Variants in OPCML observed in about 807,000 individuals in gnomAD.
OPCML encodes the protein opioid-binding protein/cell adhesion molecule.
In OPCML, 13 loss-of-function variants were observed where a neutral mutation model predicts 37.8. That is an observed-to-expected ratio of 0.34 (90% CI 0.22 to 0.55). The LOEUF (loss-of-function observed/expected upper bound fraction) is 0.55, where lower values mean the gene tolerates loss of function less well. Ranked by LOEUF, OPCML falls within the 20% of genes least tolerant of loss-of-function variation. The probability of loss-of-function intolerance (pLI) is 0.91; values close to 1 mark genes in which losing one functional copy is unlikely to be tolerated. For synonymous variants in OPCML, 176 were observed against 168.8 expected, an observed-to-expected ratio of 1.04 and a Z score of -0.33; for missense variants, 341 against 435.6, an observed-to-expected ratio of 0.78 and a Z score of 1.93.
At chr11:133,527,916 A>G (rs1313997990) in intron 1 of OPCML, among the ~76,000 whole-genome samples, 5 of 152,224 alleles carry the variant, frequency 3.3e-5, no homozygotes, top group African/African-American at 7.2e-5. Flanking sequence ...CAGCCCTGAC[A>G]CAGATTTGAG....
intron 1 of OPCML, among the ~76,000 whole-genome samples, chr11:133,504,048 T>G (rs1185424910): frequency 6.6e-6 from 1 of 152,114 alleles, no homozygotes. Context: ...AGGTCCCACA[T>G]TCTCAAAGGA....
At chr11:132,616,777 T>C (rs1381299017) in intron 3 of OPCML, among the ~76,000 whole-genome samples, 1 of 152,220 alleles carries the variant, frequency 6.6e-6, no homozygotes, top group South Asian at 2.1e-4. Flanking sequence ...ACACAGAAGA[T>C]AAAATAATGT....
chr11:132,719,504 G>GCAGGC (rs749217889), intron 2 of OPCML, among the ~76,000 whole-genome samples: 10 of 152,114 alleles, frequency 6.6e-5, no homozygotes, highest in Non-Finnish European at 1.5e-4. Flanking sequence ...GTGGTCGCAG[G>GCAGGC]CAGGCCTCTG....
chr11:132,607,176 CTGT>C (rs992848969), intron 3 of OPCML, among the ~76,000 whole-genome samples: 2 of 152,090 alleles, frequency 1.3e-5, no homozygotes, highest in Non-Finnish European at 2.9e-5. Flanking sequence ...TACTGATTTT[CTGT>C]TGTTGTTGTT....
chr11:132,641,303 G>A (rs1324209175), intron 3 of OPCML, among the ~76,000 whole-genome samples: 1 of 152,192 alleles, frequency 6.6e-6, no homozygotes, highest in African/African-American at 2.4e-5. Flanking sequence ...GAAAGGCACT[G>A]AGAGGCCCTT....
intron 1 of OPCML, among the ~76,000 whole-genome samples, chr11:133,266,475 G>A (rs951214208): frequency 6.6e-6 from 1 of 152,064 alleles, no homozygotes; most frequent in African/African-American, 2.4e-5. Flanking sequence ...AATACACACT[G>A]TTCTTGCCCA....
intron 1 of OPCML, among the ~76,000 whole-genome samples, chr11:133,183,230 C>T (rs1044627199): frequency 6.6e-5 from 10 of 152,068 alleles, no homozygotes; most frequent in Admixed American, 2.0e-4. Context: ...TTGGATTCTG[C>T]CAAAAGTAAA....
chr11:132,705,774 A>G (rs1407480749), intron 2 of OPCML, among the ~76,000 whole-genome samples: 2 of 151,958 alleles, frequency 1.3e-5, no homozygotes, highest in African/African-American at 2.4e-5. Flanking sequence ...CTGTGAACCT[A>G]TTAAATCTTT....
chr11:133,238,584 C>T (rs534752987), intron 1 of OPCML, among the ~76,000 whole-genome samples: 17 of 152,270 alleles, frequency 1.1e-4, no homozygotes, highest in African/African-American at 4.1e-4. Flanking sequence ...TTGGCTTGTG[C>T]TCCAGTGTCC....
intron 3 of OPCML, among the ~76,000 whole-genome samples, chr11:132,595,748 G>C (rs898041706): frequency 2.0e-5 from 3 of 152,186 alleles, no homozygotes; most frequent in Non-Finnish European, 2.9e-5. Flanking sequence ...AAGGCTCAGG[G>C]CATCAGGAGG....
chr11:133,408,437 A>G (rs945073875), intron 1 of OPCML, among the ~76,000 whole-genome samples: 2 of 152,198 alleles, frequency 1.3e-5, no homozygotes, highest in African/African-American at 4.8e-5. Context: ...TTCATACCTC[A>G]TGGTTTATTG....
At chr11:133,371,039 C>T (rs1944663025) in intron 1 of OPCML, among the ~76,000 whole-genome samples, 1 of 152,162 alleles carries the variant, frequency 6.6e-6, no homozygotes, top group South Asian at 2.1e-4. Flanking sequence ...CAAAAGAAGA[C>T]ATACGAATGA....
intron 1 of OPCML, among the ~76,000 whole-genome samples, chr11:133,322,948 C>A (rs190939174): frequency 1.7e-4 from 26 of 152,316 alleles, no homozygotes; most frequent in Non-Finnish European, 1.6e-4. Context: ...TCTACTTGCA[C>A]AAGACCTGGT....
intron 1 of OPCML, among the ~76,000 whole-genome samples, chr11:133,172,621 A>G (rs1950302851): frequency 2.0e-5 from 3 of 152,272 alleles, no homozygotes; most frequent in South Asian, 2.1e-4. Context: ...CTGTGTAGAC[A>G]GTGGCGACAC....
At position 132,535,077 on chromosome 11, in the gene OPCML, T is replaced by C. The variant is rs1474541869; in HGVS notation, c.380-5891A>G. ...TATAATAATATGGTATAATATATTG[T>C]ATATTATATTTAATAATATAGTATA... On this transcript the variant is annotated intron_variant, in intron 3 of 7. Coordinates refer to ENST00000524381, the MANE Select transcript of OPCML (RefSeq NM_001012393.5). Among the ~76,000 whole-genome samples, 5 of 148,632 alleles carry C rather than the reference T, an allele frequency of 3.4e-5. No homozygotes were observed. In the Admixed American group the frequency reaches 3.4e-4, roughly 10 times the overall value.
chr11:133,359,459 G>A lies in OPCML; in HGVS notation c.61+172805C>T, dbSNP rs574158444. On this transcript the variant is annotated intron_variant, in intron 1 of 7. Coordinates refer to ENST00000524381, the MANE Select transcript of OPCML (RefSeq NM_001012393.5). ...ATGACTAGTGCTGACATCAGTGAGC[G>A]TTTATTTAGCATCTACTATGTGTCA... 2.0e-4 allele frequency among the ~76,000 whole-genome samples: 31 copies of A among 152,282 alleles called. 1 individual carries two copies. The highest frequency in any genetic ancestry group is 1.5e-3 in the South Asian group (7 of 4,824).
chr11:133,180,065 T>C (rs1437835471), intron 1 of OPCML, among the ~76,000 whole-genome samples: 1 of 151,882 alleles, frequency 6.6e-6, no homozygotes, highest in African/African-American at 2.4e-5. Flanking sequence ...ACAGCAAGAA[T>C]CAAAAAAGGC....
chr11:133,442,726 C>CGTGTGTGTGTGTGTGTGTGT (rs371441649), intron 1 of OPCML, among the ~76,000 whole-genome samples: 5 of 141,448 alleles, frequency 3.5e-5, no homozygotes, highest in South Asian at 2.4e-4. Flanking sequence ...CATATTTAAA[C>CGTGTGTGTGTGTGTGTGTGT]GTGTGTGTGT....
At chr11:132,584,565 A>C (rs1346150457) in intron 3 of OPCML, among the ~76,000 whole-genome samples, 1 of 152,192 alleles carries the variant, frequency 6.6e-6, no homozygotes, top group African/African-American at 2.4e-5. Context: ...CTAGCTAGTT[A>C]ACTGGATTCT....
Sources: gnomAD v4.1 joint callset for allele counts (sites outside exome capture counted in the v4.1 genomes callset) on GRCh38, gnomAD v4.1.1 for gene constraint, MANE v1.5 for transcripts, NCBI Gene and HGNC (gene_info 2026-07-23, HGNC 2026-07-21) for gene names.